LRRC28: variants seen among roughly 807,000 people sequenced by gnomAD.
LRRC28 encodes the protein leucine rich repeat containing 28, also known as leucine-rich repeat-containing protein 28.
Under a neutral mutation model 45.7 loss-of-function variants are expected in LRRC28, and 39 were observed. That is an observed-to-expected ratio of 0.85 (90% CI 0.66 to 1.12). The LOEUF (loss-of-function observed/expected upper bound fraction) is 1.12. LRRC28 is among the 50% of genes most tolerant of loss of function. The pLI is 0.00. For missense variants in LRRC28, 435 were observed against 438.5 expected, an observed-to-expected ratio of 0.99 and a Z score of 0.07; for synonymous variants, 206 against 178.8, an observed-to-expected ratio of 1.15 and a Z score of -1.22.
At chr15:99,323,592 C>T (rs947472609) in intron 5 of LRRC28, among the ~76,000 whole-genome samples, 1 of 152,082 alleles carries the variant, frequency 6.6e-6, no homozygotes, top group Non-Finnish European at 1.5e-5. Context: ...TTCTGAAAGT[C>T]ATCTATCTCC....
chr15:99,267,198 T>C (rs1234760921), intron 2 of LRRC28, among the ~76,000 whole-genome samples: 3 of 152,218 alleles, frequency 2.0e-5, no homozygotes, highest in Admixed American at 2.0e-4. Flanking sequence ...CATAGATGAC[T>C]CTCTTAGCCG....
intron 9 of LRRC28, among the ~76,000 whole-genome samples, chr15:99,380,419 G>A (rs566128308): frequency 6.6e-6 from 1 of 152,120 alleles, no homozygotes; most frequent in South Asian, 2.1e-4. Context: ...TTTATTTTGA[G>A]CCTGTGTGTG....
At chr15:99,352,097 C>A (rs886372643) in intron 6 of LRRC28, among the ~76,000 whole-genome samples, 1 of 152,140 alleles carries the variant, frequency 6.6e-6, no homozygotes, top group Non-Finnish European at 1.5e-5. Flanking sequence ...TAGCAGAGTT[C>A]TTTGCTAAAA....
In LRRC28 at chr15:99,386,337, T is replaced by C; in HGVS notation, c.*235T>C. 1 of 455,612 alleles carries C rather than the reference T, an allele frequency of 2.2e-6. No individual in the cohort carries two copies. Among genetic ancestry groups the C allele is most frequent in the South Asian group, 4.3e-5 (1 of 23,324 alleles). 28.2% of individuals were successfully genotyped at this position (455,612 alleles called of 1,614,324 possible). A position where few individuals can be genotyped will look rare whatever the true frequency, so the allele number is the denominator to read the frequency against. ...TGTTTTTCCTTTTTATGTGAGTGTG[T>C]CTTTTACAGAAACCATTTAGATTGA... On this transcript the variant is annotated 3_prime_UTR_variant, in exon 10 of 10. Transcript: ENST00000301981.
Position 99,380,877 on chromosome 15 carries a change from C to A in LRRC28, c.1032-5153C>A, listed in dbSNP as rs565609056. 4.6e-5 allele frequency among the ~76,000 whole-genome samples: 7 copies of A among 152,324 alleles called. No homozygotes were observed. In the East Asian group the frequency reaches 1.2e-3, roughly 25 times the overall value. ...ACTGTTGGTCCCCACTCTCTTCTGG[C>A]TTGTAGAGTTTCTGCTGAGATCCGC... On this transcript the variant is annotated intron_variant, in intron 9 of 9. Coordinates refer to ENST00000301981, the MANE Select transcript of LRRC28 (RefSeq NM_144598.5).
intron 2 of LRRC28, among the ~76,000 whole-genome samples, chr15:99,273,007 T>C (rs2081521467): frequency 1.3e-5 from 2 of 152,180 alleles, no homozygotes; most frequent in Admixed American, 1.3e-4. Flanking sequence ...TAACAAAAAT[T>C]CTGACATTAA....
At chr15:99,282,744 G>A (rs898683418) in intron 3 of LRRC28, among the ~76,000 whole-genome samples, 1 of 152,122 alleles carries the variant, frequency 6.6e-6, no homozygotes, top group East Asian at 1.9e-4. Flanking sequence ...ATCACCTAAC[G>A]ACACATTTCT....
At chr15:99,321,214 TATGA>T (rs1219740125) in intron 5 of LRRC28, among the ~76,000 whole-genome samples, 1 of 152,184 alleles carries the variant, frequency 6.6e-6, no homozygotes, top group East Asian at 1.9e-4. Flanking sequence ...ATTTCAAAAA[TATGA>T]ATGAACACAT....
chr15:99,345,702 A>C (rs979510641), intron 6 of LRRC28, among the ~76,000 whole-genome samples: 19 of 152,228 alleles, frequency 1.2e-4, no homozygotes, highest in African/African-American at 4.1e-4. Flanking sequence ...ATGTCCATGC[A>C]TGTTTACTTA....
chr15:99,334,987 G>A (rs1356576274), intron 6 of LRRC28, among the ~76,000 whole-genome samples: 4 of 151,900 alleles, frequency 2.6e-5, no homozygotes, highest in Non-Finnish European at 1.5e-5. Context: ...TTAAAATAAT[G>A]GATACATTAA....
At position 99,303,465 on chromosome 15, in the gene LRRC28, A is replaced by G. The variant is rs112670409; in HGVS notation, c.385+15514A>G. Among the ~76,000 whole-genome samples, 15 of 152,318 alleles carry G rather than the reference A, an allele frequency of 9.8e-5. 2 individuals carry two copies. Among genetic ancestry groups the G allele is most frequent in the African/African-American group, 3.4e-4 (14 of 41,562 alleles). On this transcript the variant is annotated intron_variant, in intron 5 of 9. Transcript: ENST00000301981. ...ATGTGGCAAAGCTTTTATTTAACTT[A>G]TTAATGAGTAAATTGATAAGGTGTT...
intron 5 of LRRC28, among the ~76,000 whole-genome samples, chr15:99,333,301 G>T (rs540943013): frequency 6.6e-6 from 1 of 152,360 alleles, no homozygotes. Context: ...GGGAATTAAA[G>T]TAAGTCTTTA....
chr15:99,258,933 G>A (rs1355929829), intron 2 of LRRC28: 1 of 729,258 alleles, frequency 1.4e-6, no homozygotes, highest in African/African-American at 1.7e-5. Context: ...GTGGACTCAG[G>A]TGGTCTGTCT....
chr15:99,355,959 T>C (rs35685332), intron 7 of LRRC28, among the ~76,000 whole-genome samples: 3,591 of 152,282 alleles, frequency 0.024, 132 homozygotes, highest in Non-Finnish European at 0.026. Context: ...CAGTATCGGA[T>C]ACCTGAAACA....
At chr15:99,287,989 A>G (rs376009294) in intron 5 of LRRC28, 38 bp downstream of exon 5, 54 of 1,536,184 alleles carry the variant, frequency 3.5e-5, no homozygotes, top group Middle Eastern at 1.7e-4. Flanking sequence ...TTTCTTGTCT[A>G]TTATAAATCT....
At chr15:99,270,650 A>C (rs1263413924) in intron 2 of LRRC28, among the ~76,000 whole-genome samples, 3 of 152,172 alleles carry the variant, frequency 2.0e-5, no homozygotes, top group Non-Finnish European at 2.9e-5. Flanking sequence ...TTGTATGGCT[A>C]TACCACCATT....
At chr15:99,263,938 CGTT>C (rs2081267586) in intron 2 of LRRC28, among the ~76,000 whole-genome samples, 1 of 152,206 alleles carries the variant, frequency 6.6e-6, no homozygotes, top group Non-Finnish European at 1.5e-5. Flanking sequence ...AATGGCATAA[CGTT>C]CGAGGGACAA....
At chr15:99,309,021 T>G (rs1482244600) in intron 5 of LRRC28, among the ~76,000 whole-genome samples, 1 of 152,246 alleles carries the variant, frequency 6.6e-6, no homozygotes, top group Non-Finnish European at 1.5e-5. Flanking sequence ...CACCTCAGCT[T>G]TAGATATATA....
At chr15:99,290,587 C>A (rs1349540680) in intron 5 of LRRC28, among the ~76,000 whole-genome samples, 1 of 152,046 alleles carries the variant, frequency 6.6e-6, no homozygotes, top group Non-Finnish European at 1.5e-5. Context: ...ATAAGATATA[C>A]AACCAAAATT....
Sources: allele counts gnomAD v4.1 joint callset (sites outside exome capture counted in the v4.1 genomes callset), GRCh38; gene constraint gnomAD v4.1.1; transcripts MANE v1.5; gene names NCBI Gene and HGNC (gene_info 2026-07-23, HGNC 2026-07-21).